The following ADCY2 variants were observed in gnomAD, a reference collection of about 807,000 sequenced individuals.
ADCY2 encodes the protein adenylate cyclase type 2.
A neutral mutation model predicts 125.2 loss-of-function variants in ADCY2; 31 were observed. The ratio of observed to expected loss-of-function variants is 0.25; its 90% CI spans 0.19 to 0.33. The LOEUF (loss-of-function observed/expected upper bound fraction) is 0.33. ADCY2 is among the 10% of genes least tolerant of loss of function. The probability of loss-of-function intolerance (pLI) is 1.00; values close to 1 mark genes in which losing one functional copy is unlikely to be tolerated. For missense variants in ADCY2, 904 were observed against 1,418.2 expected, an observed-to-expected ratio of 0.64 and a Z score of 5.82; for synonymous variants, 512 against 548.4, an observed-to-expected ratio of 0.93 and a Z score of 0.93.
At chr5:7,690,527 ATC>A (rs1324524109) in intron 4 of ADCY2, 162 bp from the exon 5 acceptor site, 1 of 484,392 alleles carries the variant, frequency 2.1e-6, no homozygotes, top group East Asian at 3.4e-5. Context: ...ACCTTAGAAA[ATC>A]TCTTTTTATT....
At chr5:7,471,767 A>AT (rs1404199272) in intron 2 of ADCY2, among the ~76,000 whole-genome samples, 2 of 151,588 alleles carry the variant, frequency 1.3e-5, no homozygotes, top group Admixed American at 6.6e-5. Flanking sequence ...AAAAAGTGTC[A>AT]TTTTTTCCAT....
At chr5:7,724,944 A>G (rs940957562) in intron 13 of ADCY2, among the ~76,000 whole-genome samples, 9 of 152,242 alleles carry the variant, frequency 5.9e-5, no homozygotes, top group Non-Finnish European at 1.2e-4. Flanking sequence ...TCTTAAAAAA[A>G]ACAGAATTCT....
At chr5:7,516,240 A>G (rs1218366170) in intron 2 of ADCY2, among the ~76,000 whole-genome samples, 2 of 152,240 alleles carry the variant, frequency 1.3e-5, no homozygotes, top group Non-Finnish European at 2.9e-5. Flanking sequence ...ATTTGTGATT[A>G]TAGACCTGGA....
At chr5:7,584,249 G>A (rs542372771) in intron 3 of ADCY2, among the ~76,000 whole-genome samples, 3 of 152,144 alleles carry the variant, frequency 2.0e-5, no homozygotes, top group South Asian at 2.1e-4. Context: ...CAATGATAGC[G>A]AATGTTGAAA....
At chr5:7,659,408 ACTG>A (rs1367996787) in intron 4 of ADCY2, among the ~76,000 whole-genome samples, 2 of 152,214 alleles carry the variant, frequency 1.3e-5, no homozygotes, top group Non-Finnish European at 2.9e-5. Flanking sequence ...AGATTGCTGT[ACTG>A]TGTTGGTTAT....
At chr5:7,755,658 A>T (rs185899945) in intron 15 of ADCY2, among the ~76,000 whole-genome samples, 7 of 152,202 alleles carry the variant, frequency 4.6e-5, no homozygotes, top group Non-Finnish European at 8.8e-5. Flanking sequence ...AGAAACTGGG[A>T]CCCCATTTCA....
At position 7,707,763 on chromosome 5, in the gene ADCY2, G is replaced by A. The variant is rs1275191186; in HGVS notation, c.1326G>A (p.Glu442=). ...ACTTGAATGGCGCTTATAAAGTGGA[G>A]GAGGGAGATGGTGACATTAGGGACC... ...LEHLNGAYKV[E]EGDGDIRDPY... is the part of the protein sequence containing the mutation. Residue 442 remains glutamate (E), a synonymous_variant, in exon 9 of 25, where the codon GAG becomes GAA. Coordinates refer to ENST00000338316, the MANE Select transcript of ADCY2 (RefSeq NM_020546.3). 1 of 1,614,124 alleles carries A rather than the reference G, an allele frequency of 6.2e-7. No homozygotes were observed. The highest frequency in any genetic ancestry group is 8.5e-7 in the Non-Finnish European group (1 of 1,179,996).
intron 18 of ADCY2, among the ~76,000 whole-genome samples, chr5:7,777,324 C>T (rs909809450): frequency 6.6e-6 from 1 of 152,176 alleles, no homozygotes; most frequent in African/African-American, 2.4e-5. Flanking sequence ...AAGAGAAGAT[C>T]TGAACTAAAT....
intron 2 of ADCY2, among the ~76,000 whole-genome samples, chr5:7,513,962 T>C (rs1744169255): frequency 6.6e-6 from 1 of 152,252 alleles, no homozygotes; most frequent in Non-Finnish European, 1.5e-5. Context: ...ATTTCTCTGA[T>C]GGTGTGTTCT....
At chr5:7,473,105 C>A (rs1742399347) in intron 2 of ADCY2, among the ~76,000 whole-genome samples, 1 of 152,038 alleles carries the variant, frequency 6.6e-6, no homozygotes, top group African/African-American at 2.4e-5. Flanking sequence ...AAGGCACATT[C>A]TTATAATCTG....
In ADCY2 at chr5:7,626,390, G is replaced by A. The variant is rs938422321; in HGVS notation, c.720+74G>A. Reference sequence around the variant, plus strand: ...ATGATGCTGTTACTATTAATGTTGAGTGTCGTTCATTCATTCATGAGCTTC... The same window carrying A: ...ATGATGCTGTTACTATTAATGTTGAATGTCGTTCATTCATTCATGAGCTTC... On this transcript the variant is annotated intron_variant, in intron 4 of 24. Transcript: ENST00000338316. 26 of 1,510,592 alleles carry A rather than the reference G, an allele frequency of 1.7e-5. No homozygotes were observed. In the East Asian group the frequency reaches 2.8e-4, roughly 16 times the overall value. The allele number at this position is 1,510,592 out of a possible 1,614,324, so 93.6% of individuals were successfully genotyped here. A position where few individuals can be genotyped will look rare whatever the true frequency, so the allele number is the denominator to read the frequency against.
chr5:7,402,014 G>A (rs1739282504), intron 1 of ADCY2, among the ~76,000 whole-genome samples: 2 of 152,210 alleles, frequency 1.3e-5, no homozygotes, highest in Admixed American at 6.5e-5. Context: ...TGCAAGCACT[G>A]TGATTGACAT....
chr5:7,702,225 CTTTTTT>C lies in ADCY2; in HGVS notation c.1109+3865_1109+3870del, dbSNP rs67174135. Among the ~76,000 whole-genome samples, 282 of 131,132 alleles carry C rather than the reference CTTTTTT, an allele frequency of 2.2e-3. 5 individuals are homozygous for C. The East Asian group carries it at 0.055, about 26-fold the overall frequency. The allele number at this position is 131,132 out of a possible 152,430, so 86.0% of individuals were successfully genotyped here. Reference sequence around the variant, plus strand: ...TGGCCAGCATAGTGAAACCCTGTTTCTTTTTTTTTTTTTTTTTTTAAACTTTCAGTT... The same window carrying C: ...TGGCCAGCATAGTGAAACCCTGTTTCTTTTTTTTTTTTTAAACTTTCAGTT... On this transcript the variant is annotated intron_variant, in intron 7 of 24. Transcript: ENST00000338316.
rs1482275767 is a variant in ADCY2 at position 7,471,370 on chromosome 5, T to A, written c.409-49368T>A. On this transcript the variant is annotated intron_variant, in intron 2 of 24. Coordinates refer to ENST00000338316, the MANE Select transcript of ADCY2 (RefSeq NM_020546.3). ...TGTTTCTTGATTATTTTTAATGATT[T>A]AAAAAAATCTCCCATTTTGGCTTAT... is the stretch of plus-strand genomic sequence containing the variant. Among the ~76,000 whole-genome samples, 4 of 150,554 alleles carry A rather than the reference T, an allele frequency of 2.7e-5. No individual in the cohort carries two copies. In the East Asian group the frequency reaches 7.7e-4, roughly 29 times the overall value.
chr5:7,789,823 C>A, intron 20 of ADCY2, 23 bp downstream of exon 20: 2 of 269,084 alleles, frequency 7.4e-6, no homozygotes, highest in Non-Finnish European at 1.4e-5. Context: ...GGGCTGGGGG[C>A]TGGGGGAGGG....
intron 4 of ADCY2, among the ~76,000 whole-genome samples, chr5:7,675,024 G>A (rs558365042): frequency 1.1e-4 from 17 of 151,970 alleles, no homozygotes; most frequent in African/African-American, 1.2e-4. Flanking sequence ...GCGTGGTGGC[G>A]GGCACCTGTA....
At chr5:7,487,758 C>T (rs1031204851) in intron 2 of ADCY2, among the ~76,000 whole-genome samples, 1 of 152,182 alleles carries the variant, frequency 6.6e-6, no homozygotes, top group Non-Finnish European at 1.5e-5. Context: ...GATTATTCCA[C>T]TTTTGATGAG....
At chr5:7,398,940 A>G (rs877069) in intron 1 of ADCY2, among the ~76,000 whole-genome samples, 47,240 of 152,128 alleles carry the variant, frequency 0.31, 8,059 homozygotes, top group African/African-American at 0.43. Context: ...CTGGGGTAGG[A>G]ACATTTGAAG....
intron 24 of ADCY2, among the ~76,000 whole-genome samples, chr5:7,823,432 A>C (rs995109460): frequency 1.3e-5 from 2 of 152,208 alleles, no homozygotes; most frequent in African/African-American, 4.8e-5. Flanking sequence ...GAGACTGCTC[A>C]GTTGCCCAGC....
Sources: gnomAD v4.1 joint callset for allele counts (sites outside exome capture counted in the v4.1 genomes callset) on GRCh38, gnomAD v4.1.1 for gene constraint, MANE v1.5 for transcripts, NCBI Gene and HGNC (gene_info 2026-07-23, HGNC 2026-07-21) for gene names.